Variants in MED14 observed in about 807,000 individuals in gnomAD.
The protein encoded by MED14 is mediator complex subunit 14, also known as mediator of RNA polymerase II transcription subunit 14.
Under a neutral mutation model 109.0 loss-of-function variants are expected in MED14, and 8 were observed. The observed-to-expected ratio is 0.07, with a 90% confidence interval of 0.04 to 0.13. MED14 has a LOEUF of 0.13. Ranked by LOEUF, MED14 falls within the 10% of genes least tolerant of loss-of-function variation. The pLI, the probability that MED14 is intolerant of heterozygous loss-of-function variation, is 1.00. For synonymous variants in MED14, 399 were observed against 408.7 expected (o/e 0.98, Z 0.29); for missense variants, 711 against 1,142.4 (o/e 0.62, Z 5.44).
Position 40,655,046 on chromosome X carries a change from T to C in MED14, c.3987A>G (p.Ala1329=). Residue 1329 remains alanine, a synonymous_variant, in exon 29 of 31, where the codon GCA becomes GCG. Coordinates refer to ENST00000324817, the MANE Select transcript of MED14 (RefSeq NM_004229.4). ...IMKLELFPDQ[A]TQLKWNVQFC... is the part of the protein sequence containing the mutation. ...ACTGAACATTCCATTTTAGCTGTGT[T>C]GCTTGGTCAGGGAACTATTTTGAGG... 2.5e-6 allele frequency: 3 copies of C among 1,210,834 alleles called. No individual in the cohort carries two copies. The highest frequency in any genetic ancestry group is 3.4e-6 in the Non-Finnish European group (3 of 894,729).
intron 3 of MED14, 83 bp downstream of exon 3, chrX:40,726,663 G>T: frequency 1.3e-6 from 1 of 754,967 alleles, no homozygotes; most frequent in Non-Finnish European, 1.9e-6. Flanking sequence ...GCAGGGATAA[G>T]TTAAAGCTAA....
In MED14 at chrX:40,697,164, G is replaced by A; in HGVS notation, c.1510C>T (p.Arg504Cys). The A allele has an allele frequency of 1.7e-6, 2 of 1,192,542 alleles. No individual in the cohort carries two copies. Among genetic ancestry groups the A allele is most frequent in the Non-Finnish European group, 2.3e-6 (2 of 880,520 alleles). Residue 504 changes from arginine (R) to cysteine (C), a missense_variant, in exon 13 of 31, where the codon CGT (arginine) becomes TGT (cysteine). Around this residue, in one of 8 missense-constraint regions of MED14, gnomAD observed 388 missense variants for 517.3 expected, o/e 0.75. Coordinates refer to ENST00000324817, the MANE Select transcript of MED14 (RefSeq NM_004229.4). ...QQLKFWLGQQ[R>C]CKQSIKHLPT... is the part of the protein sequence containing the mutation. ...AGATGTTTTATAGACTGCTTGCAAC[G>A]CTGTTGTCCAAGCCAAAACCTGAAT... is the stretch of plus-strand genomic sequence containing the variant.
At chrX:40,690,359 C>T (rs1930453190) in intron 15 of MED14, among the ~76,000 whole-genome samples, 3 of 111,541 alleles carry the variant, frequency 2.7e-5, no homozygotes. Flanking sequence ...ATCCCAAATT[C>T]CTGTAAAGCA....
chrX:40,705,692 A>G (rs950583667), intron 10 of MED14, among the ~76,000 whole-genome samples: 1 of 111,919 alleles, frequency 8.9e-6, no homozygotes, highest in Admixed American at 9.5e-5. Flanking sequence ...TGAGAACAAG[A>G]TGAGAATGGA....
In MED14 at chrX:40,650,685, G is replaced by A. The variant is rs1001997697; in HGVS notation, c.*1121C>T. On this transcript the variant is annotated 3_prime_UTR_variant, in exon 31 of 31. Coordinates refer to ENST00000324817, the MANE Select transcript of MED14 (RefSeq NM_004229.4). ...TTGACCCTGGACAGGCCCAGGATTCGGGATTCTTCACAATGAGGGGAATGG... is the reference window on the plus strand; with the variant it reads ...TTGACCCTGGACAGGCCCAGGATTCAGGATTCTTCACAATGAGGGGAATGG... 12 of 754,225 alleles carry A rather than the reference G, an allele frequency of 1.6e-5. No homozygotes were observed. The highest frequency in any genetic ancestry group is 1.9e-5 in the Non-Finnish European group (12 of 639,359). The allele number at this position is 754,225 out of a possible 1,213,427, so 62.2% of individuals were successfully genotyped here.
intron 11 of MED14, among the ~76,000 whole-genome samples, chrX:40,703,007 GA>G (rs949397720): frequency 8.2e-5 from 9 of 109,893 alleles, no homozygotes. Context: ...GTTTAGGCCA[GA>G]AAAAAAAATC....
intron 10 of MED14, among the ~76,000 whole-genome samples, chrX:40,706,720 C>G (rs890110290): frequency 8.9e-6 from 1 of 111,771 alleles, no homozygotes; most frequent in Non-Finnish European, 1.9e-5. Flanking sequence ...CCTATGTAAA[C>G]GTATGCTTTG....
intron 15 of MED14, among the ~76,000 whole-genome samples, chrX:40,689,931 T>C (rs939861715): frequency 9.0e-6 from 1 of 111,638 alleles, no homozygotes; most frequent in Non-Finnish European, 1.9e-5. Flanking sequence ...ACAGAGAAGG[T>C]GGACAGAGAG....
intron 9 of MED14, among the ~76,000 whole-genome samples, chrX:40,709,774 T>C (rs1398866772): frequency 1.8e-5 from 2 of 111,533 alleles, no homozygotes; most frequent in East Asian, 5.5e-4. Context: ...TTATAAAATA[T>C]GAAAGAATAT....
chrX:40,692,246 T>G lies in MED14; in HGVS notation c.1917A>C (p.Lys639Asn), dbSNP rs774364770. 1 of 1,205,014 alleles carries G rather than the reference T, an allele frequency of 8.3e-7. No homozygotes were observed. Among genetic ancestry groups the G allele is most frequent in the East Asian group, 3.0e-5 (1 of 33,795 alleles). The part of the protein sequence containing the change: ...KRAGEMCAFN[K>N]VLAHFVAMCD... ...ACATAGCGACGAAGTGGGCTAAAAC[T>G]TTATTGAAGGCACACATTTCTCCTG... Residue 639 changes from lysine to asparagine, a missense_variant, in exon 15 of 31, where the codon AAA becomes AAC. Physicochemically the swap from Lys to Asn is moderately conservative, Grantham distance 94 (BLOSUM62 0). Transcript: ENST00000324817.
intron 23 of MED14, among the ~76,000 whole-genome samples, chrX:40,670,179 G>A: frequency 8.9e-6 from 1 of 112,264 alleles, no homozygotes; most frequent in Non-Finnish European, 1.9e-5. Context: ...GGCAGTGTGG[G>A]ATGTCGAGCA....
chrX:40,671,028 T>G (rs1382530898), intron 23 of MED14, among the ~76,000 whole-genome samples: 1 of 112,012 alleles, frequency 8.9e-6, no homozygotes, highest in African/African-American at 3.2e-5. Flanking sequence ...AATCATTTAA[T>G]TTCTTATATT....
At chrX:40,688,749 G>T in intron 15 of MED14, among the ~76,000 whole-genome samples, 1 of 111,459 alleles carries the variant, frequency 9.0e-6, no homozygotes, top group Non-Finnish European at 1.9e-5. Context: ...TCTAGTTTAA[G>T]AAACACCTCC....
chrX:40,662,167 G>A, intron 26 of MED14, among the ~76,000 whole-genome samples: 1 of 111,904 alleles, frequency 8.9e-6, no homozygotes, highest in Middle Eastern at 4.6e-3. Context: ...TGCCCGTCCT[G>A]TTCACATATT....
intron 13 of MED14, among the ~76,000 whole-genome samples, chrX:40,696,680 A>G (rs751850341): frequency 1.8e-5 from 2 of 112,047 alleles, no homozygotes; most frequent in Non-Finnish European, 3.8e-5. Flanking sequence ...AGGTTTCACT[A>G]TACAAGTTAA....
At chrX:40,672,346 C>A (rs1025666705) in intron 22 of MED14, among the ~76,000 whole-genome samples, 8 of 111,949 alleles carry the variant, frequency 7.1e-5, no homozygotes, top group African/African-American at 2.3e-4. Context: ...CAGGGTGTGT[C>A]TTTCCATTTA....
rs773716791 is a variant in MED14, at chrX:40,682,430, G to A, written c.2365+173C>T. 2.7e-5 allele frequency among the ~76,000 whole-genome samples: 3 copies of A among 111,529 alleles called. No homozygotes were observed. In the South Asian group the frequency reaches 1.1e-3, roughly 42 times the overall value. ...TGCAAACAAAAGAAACTTAACAGTGGTTGTCTTTAGGGGAAGGAAATTGAA... is the reference window on the plus strand; with the variant it reads ...TGCAAACAAAAGAAACTTAACAGTGATTGTCTTTAGGGGAAGGAAATTGAA... On this transcript the variant is annotated intron_variant, in intron 18 of 30. Coordinates refer to ENST00000324817, the MANE Select transcript of MED14 (RefSeq NM_004229.4).
In MED14 at chrX:40,690,448, C is replaced by T. The variant is rs758527521; in HGVS notation, c.1980+1735G>A. On this transcript the variant is annotated intron_variant, in intron 15 of 30. Transcript: ENST00000324817. ...TTGTTTGTTTGTTTTGAGAAGGAGT[C>T]TCGCTCTGTCACCCAGGCTGGAGTG... Among the ~76,000 whole-genome samples, 442 of 111,160 alleles carry T rather than the reference C, an allele frequency of 4.0e-3. 1 individual carries two copies. The highest frequency in any genetic ancestry group is 6.2e-3 in the Non-Finnish European group (329 of 52,951).
intron 30 of MED14, among the ~76,000 whole-genome samples, chrX:40,652,984 A>G (rs1183989715): frequency 1.9e-5 from 2 of 106,203 alleles, no homozygotes; most frequent in Non-Finnish European, 3.8e-5. Context: ...CAAGGGGGGA[A>G]AAAAATGAAA....
Sources: gnomAD v4.1 joint callset for allele counts (sites outside exome capture counted in the v4.1 genomes callset) on GRCh38, gnomAD v4.1.1 for gene constraint, gnomAD v4.1.1 regional missense constraint, MANE v1.5 for transcripts, NCBI Gene and HGNC (gene_info 2026-07-23, HGNC 2026-07-21) for gene names.